SEMA3A: variants seen among roughly 807,000 people sequenced by gnomAD.
SEMA3A encodes semaphorin-3A.
A neutral mutation model predicts 97.9 loss-of-function variants in SEMA3A; 29 were observed. That is an observed-to-expected ratio of 0.30 (90% CI 0.22 to 0.40). SEMA3A has a LOEUF of 0.40. Ranked by LOEUF, SEMA3A falls within the 10% of genes least tolerant of loss-of-function variation. The pLI is 1.00. For synonymous variants in SEMA3A, 321 were observed against 323.7 expected (o/e 0.99, Z 0.09); for missense variants, 763 against 951.3 (o/e 0.80, Z 2.60).
chr7:83,974,937 A>C (rs192020182), intron 15 of SEMA3A, among the ~76,000 whole-genome samples: 2 of 152,210 alleles, frequency 1.3e-5, no homozygotes, highest in Non-Finnish European at 2.9e-5. Context: ...GAACAGTTGC[A>C]CTTTCTCTTC....
intron 4 of SEMA3A, among the ~76,000 whole-genome samples, chr7:84,084,111 C>A (rs1165071543): frequency 6.6e-6 from 1 of 152,054 alleles, no homozygotes; most frequent in Non-Finnish European, 1.5e-5. Flanking sequence ...AATGCAATTT[C>A]AGCTGGCCAT....
intron 3 of SEMA3A, among the ~76,000 whole-genome samples, chr7:84,220,790 CAG>C (rs1411630439): frequency 6.6e-6 from 1 of 152,130 alleles, no homozygotes; most frequent in Non-Finnish European, 1.5e-5. Flanking sequence ...TGCTGTCACA[CAG>C]ACTTCATTGT....
intron 1 of SEMA3A, among the ~76,000 whole-genome samples, chr7:84,451,736 G>A (rs1805560648): frequency 6.6e-6 from 1 of 152,146 alleles, no homozygotes; most frequent in Non-Finnish European, 1.5e-5. Flanking sequence ...AAAATCATCA[G>A]TGACTCAGTT....
At chr7:84,077,533 T>TGGG (rs1793996991) in intron 4 of SEMA3A, among the ~76,000 whole-genome samples, 1 of 152,044 alleles carries the variant, frequency 6.6e-6, no homozygotes, top group South Asian at 2.1e-4. Context: ...AGATGCCATC[T>TGGG]GGGAAGTGAC....
intron 1 of SEMA3A, among the ~76,000 whole-genome samples, chr7:84,192,302 A>G (rs1798071132): frequency 6.6e-6 from 1 of 151,984 alleles, no homozygotes; most frequent in Admixed American, 6.6e-5. Context: ...ACAAACGTAC[A>G]TGTAGAGACA....
Position 84,459,517 on chromosome 7 carries a change from GA to G in SEMA3A, c.-246+32942del, listed in dbSNP as rs1312990193. ...AAATGCTATTAATGTTAGTAGAGAT[GA>G]AATAAACTAGATATTCAAATCAATA... On this transcript the variant is annotated intron_variant, in intron 1 of 3. Transcript: ENST00000424555. Among the ~76,000 whole-genome samples, 17 of 152,194 alleles carry G rather than the reference GA, an allele frequency of 1.1e-4. No individual in the cohort carries two copies. The East Asian group carries it at 3.3e-3, about 29-fold the overall frequency.
At chr7:83,990,521 T>G (rs1789861312) in intron 12 of SEMA3A, among the ~76,000 whole-genome samples, 1 of 135,846 alleles carries the variant, frequency 7.4e-6, no homozygotes, top group Non-Finnish European at 1.6e-5. Context: ...GGATCCAGTT[T>G]CAGCTTTCTA....
At chr7:84,150,764 T>C (rs1796627312) in intron 1 of SEMA3A, among the ~76,000 whole-genome samples, 2 of 152,214 alleles carry the variant, frequency 1.3e-5, no homozygotes, top group Non-Finnish European at 2.9e-5. Context: ...TGCCTGCCTC[T>C]GTAGGCTCCA....
rs1806582733 is a variant in SEMA3A, at chr7:84,486,713, T to C, written c.-246+5747A>G. On this transcript the variant is annotated intron_variant, in intron 1 of 3. Coordinates refer to the SEMA3A transcript ENST00000424555. ...TTTTTACTTAATGCTCACTCTTCTC[T>C]TTATAGAGAATTTTGGATTTGTGAG... 2.0e-5 allele frequency among the ~76,000 whole-genome samples: 3 copies of C among 152,284 alleles called. No homozygotes were observed. In the East Asian group the frequency reaches 5.8e-4, roughly 29 times the overall value.
intron 1 of SEMA3A, among the ~76,000 whole-genome samples, chr7:84,172,041 G>A (rs12666837): frequency 0.33 from 49,672 of 151,850 alleles, 8,601 homozygotes; most frequent in Non-Finnish European, 0.35. Context: ...ATTCTTTTTA[G>A]GTTTTGTATC....
At chr7:84,354,043 GAAAT>G (rs1381166096) in intron 2 of SEMA3A, among the ~76,000 whole-genome samples, 1 of 151,406 alleles carries the variant, frequency 6.6e-6, no homozygotes, top group African/African-American at 2.4e-5. Context: ...AAAAAAGAAA[GAAAT>G]AAAAATGTCA....
At chr7:84,355,633 C>T (rs1802538867) in intron 2 of SEMA3A, among the ~76,000 whole-genome samples, 1 of 151,838 alleles carries the variant, frequency 6.6e-6, no homozygotes, top group Non-Finnish European at 1.5e-5. Flanking sequence ...CAACAACTAA[C>T]TTCTATATTA....
intron 1 of SEMA3A, among the ~76,000 whole-genome samples, chr7:84,381,240 G>A (rs986295376): frequency 2.6e-5 from 4 of 152,230 alleles, no homozygotes; most frequent in African/African-American, 4.8e-5. Context: ...ATGGTGGGGA[G>A]AAAAATAAAG....
At chr7:84,141,726 C>T (rs1796297882) in intron 1 of SEMA3A, among the ~76,000 whole-genome samples, 1 of 152,026 alleles carries the variant, frequency 6.6e-6, no homozygotes, top group Non-Finnish European at 1.5e-5. Flanking sequence ...GTATTGTTCC[C>T]CTCTATGTGT....
chr7:84,407,438 G>C (rs955950489), intron 1 of SEMA3A, among the ~76,000 whole-genome samples: 1 of 152,042 alleles, frequency 6.6e-6, no homozygotes, highest in Admixed American at 6.6e-5. Flanking sequence ...TGGGTAGGAA[G>C]AATCAATATC....
At chr7:83,980,618 A>ACAAAACAAACAAAC (rs57547797) in intron 14 of SEMA3A, among the ~76,000 whole-genome samples, 5 of 82,266 alleles carry the variant, frequency 6.1e-5, no homozygotes, top group African/African-American at 2.5e-4. Flanking sequence ...AAAAAAAAAA[A>ACAAAACAAACAAAC]AAAAAATATA....
chr7:84,103,839 G>T (rs1221111870), intron 4 of SEMA3A, among the ~76,000 whole-genome samples: 1 of 152,052 alleles, frequency 6.6e-6, no homozygotes, highest in Non-Finnish European at 1.5e-5. Context: ...AGGTGAACAG[G>T]CAATGGGATT....
In SEMA3A at chr7:83,961,389, C is replaced by T; in HGVS notation, c.2298G>A (p.Arg766=). ...GRNRRTHEFE[R]APRSV is the part of the protein sequence containing the mutation. ...ATGCAGCTCAGACACTCCTGGGTGC[C>T]CTCTCAAATTCGTGGGTCCTCCTGT... is the stretch of plus-strand genomic sequence containing the variant. Residue 766 remains arginine, a synonymous_variant, in exon 17 of 17, where the codon AGG becomes AGA. Coordinates refer to ENST00000265362, the MANE Select transcript of SEMA3A (RefSeq NM_006080.3). 2 of 1,613,870 alleles carry T rather than the reference C, an allele frequency of 1.2e-6. No individual in the cohort carries two copies. The highest frequency in any genetic ancestry group is 1.7e-6 in the Non-Finnish European group (2 of 1,179,820).
chr7:84,246,840 A>G (rs1799487137), intron 3 of SEMA3A, among the ~76,000 whole-genome samples: 1 of 152,110 alleles, frequency 6.6e-6, no homozygotes, highest in South Asian at 2.1e-4. Context: ...CATCAGAATG[A>G]TTTATACAAG....
Sources: gnomAD v4.1 joint callset for allele counts (sites outside exome capture counted in the v4.1 genomes callset) on GRCh38, gnomAD v4.1.1 for gene constraint, MANE v1.5 for transcripts, NCBI Gene and HGNC (gene_info 2026-07-23, HGNC 2026-07-21) for gene names.